The following MTUS1 variants were observed in gnomAD, a reference collection of about 807,000 sequenced individuals.
MTUS1 encodes the protein microtubule-associated tumor suppressor 1.
In MTUS1, 109 loss-of-function variants were observed where a neutral mutation model predicts 120.8. The observed-to-expected ratio is 0.90, with a 90% CI of 0.77 to 1.06. The LOEUF is 1.06. Ranked by LOEUF, MTUS1 falls within the 50% of genes least tolerant of loss-of-function variation. The pLI is 0.00. For missense variants in MTUS1, 2,210 were observed against 1,486.3 expected (o/e 1.49, Z -8.01); for synonymous variants, 737 against 550.5 (o/e 1.34, Z -4.74).
At chr8:17,648,942 G>A (rs1021770092) in intron 13 of MTUS1, among the ~76,000 whole-genome samples, 59 of 152,352 alleles carry the variant, frequency 3.9e-4, no homozygotes, top group African/African-American at 1.3e-3. Flanking sequence ...GGCAGCAGCT[G>A]TATTTCAGGG....
chr8:17,661,544 T>C (rs1341691255), intron 8 of MTUS1, among the ~76,000 whole-genome samples: 1 of 152,086 alleles, frequency 6.6e-6, no homozygotes, highest in Non-Finnish European at 1.5e-5. Context: ...TACTGTCGCT[T>C]TGAATATGTA....
At chr8:17,697,176 G>C (rs944100750) in intron 6 of MTUS1, 18 of 1,475,454 alleles carry the variant, frequency 1.2e-5, no homozygotes, top group Non-Finnish European at 1.5e-5. Context: ...CTGTCTCCTT[G>C]GAAAAACCTC....
At chr8:17,700,023 A>G (rs1818724349) in intron 6 of MTUS1, among the ~76,000 whole-genome samples, 1 of 152,220 alleles carries the variant, frequency 6.6e-6, no homozygotes, top group South Asian at 2.1e-4. Flanking sequence ...AACGAATGTG[A>G]GAAGTACCTA....
intron 2 of MTUS1, among the ~76,000 whole-genome samples, chr8:17,751,862 TAA>T (rs56362055): frequency 2.4e-3 from 234 of 96,522 alleles, no homozygotes; most frequent in African/African-American, 8.3e-3. Flanking sequence ...GACTCTGCCT[TAA>T]AAAAAAAAAA....
chr8:17,648,881 A>C (rs1806386089), intron 13 of MTUS1, among the ~76,000 whole-genome samples: 1 of 152,220 alleles, frequency 6.6e-6, no homozygotes, highest in Admixed American at 6.5e-5. Context: ...GAGGGCGGGG[A>C]TCACTTAAGC....
At chr8:17,774,420 A>G (rs1487524581) in intron 1 of MTUS1, among the ~76,000 whole-genome samples, 2 of 152,212 alleles carry the variant, frequency 1.3e-5, no homozygotes, top group Admixed American at 1.3e-4. Flanking sequence ...GAAGAAAATG[A>G]AAGTAAGTTT....
intron 3 of MTUS1, among the ~76,000 whole-genome samples, chr8:17,739,027 C>T (rs2131233372): frequency 6.6e-6 from 1 of 151,832 alleles, no homozygotes; most frequent in African/African-American, 2.4e-5. Context: ...TCTGTGATAC[C>T]AGGTACATGG....
At chr8:17,737,087 A>G (rs903111379) in intron 3 of MTUS1, among the ~76,000 whole-genome samples, 2 of 152,200 alleles carry the variant, frequency 1.3e-5, no homozygotes, top group East Asian at 3.9e-4. Context: ...AAGAATTCAC[A>G]TATGTCCATG....
At chr8:17,649,741 T>A in intron 13 of MTUS1, 105 bp downstream of exon 13, 1 of 683,248 alleles carries the variant, frequency 1.5e-6, no homozygotes, top group Non-Finnish European at 2.6e-6. Context: ...TTTCTAAATA[T>A]CTTTAGGAGC....
At chr8:17,774,625 C>T (rs1220645851) in intron 1 of MTUS1, among the ~76,000 whole-genome samples, 2 of 152,140 alleles carry the variant, frequency 1.3e-5, no homozygotes, top group Non-Finnish European at 2.9e-5. Flanking sequence ...TTGGAACCCC[C>T]TTGCGTTGCT....
chr8:17,765,745 ATTT>A (rs1249028050), intron 1 of MTUS1, among the ~76,000 whole-genome samples: 5 of 142,690 alleles, frequency 3.5e-5, no homozygotes, highest in Non-Finnish European at 7.6e-5. Context: ...TTTTGGTTTT[ATTT>A]TTATTTCTTG....
intron 1 of MTUS1, among the ~76,000 whole-genome samples, chr8:17,797,390 G>A (rs1474304530): frequency 6.6e-6 from 1 of 152,082 alleles, no homozygotes; most frequent in Admixed American, 6.6e-5. Context: ...TCCAGCCTGG[G>A]TGACACAGCA....
chr8:17,710,106 A>G (rs767721662), intron 6 of MTUS1, among the ~76,000 whole-genome samples: 4 of 152,214 alleles, frequency 2.6e-5, no homozygotes, highest in Admixed American at 1.3e-4. Context: ...CTGGTGGAAC[A>G]TCTTGCCTCA....
At chr8:17,702,999 C>T (rs538927385) in intron 6 of MTUS1, among the ~76,000 whole-genome samples, 18 of 152,246 alleles carry the variant, frequency 1.2e-4, no homozygotes, top group East Asian at 9.7e-4. Context: ...TGAGGATGTA[C>T]GTCACCTCAG....
intron 6 of MTUS1, among the ~76,000 whole-genome samples, chr8:17,702,478 G>A (rs1446047289): frequency 6.6e-6 from 1 of 152,098 alleles, no homozygotes; most frequent in Non-Finnish European, 1.5e-5. Context: ...TAGGCACAAT[G>A]CTGTAACAAA....
At chr8:17,740,337 G>C (rs748561442) in intron 3 of MTUS1, among the ~76,000 whole-genome samples, 5 of 152,212 alleles carry the variant, frequency 3.3e-5, no homozygotes, top group Non-Finnish European at 5.9e-5. Context: ...TTCTACTTAA[G>C]TGTTCTGAAA....
At chr8:17,671,998 A>C (rs762451938) in intron 8 of MTUS1, among the ~76,000 whole-genome samples, 7 of 152,176 alleles carry the variant, frequency 4.6e-5, no homozygotes, top group Non-Finnish European at 8.8e-5. Flanking sequence ...AACCATACTC[A>C]AAGAAGTTAG....
chr8:17,676,040 G>A lies in MTUS1; in HGVS notation c.2839-788C>T, dbSNP rs112500799. 2,962 of 565,428 alleles carry A rather than the reference G, an allele frequency of 5.2e-3. 68 individuals are homozygous for A. The highest frequency in any genetic ancestry group is 0.048 in the African/African-American group (2,548 of 53,292). The allele number at this position is 565,428 out of a possible 1,614,324, so 35.0% of individuals were successfully genotyped here. On this transcript the variant is annotated intron_variant, in intron 7 of 14. Transcript: ENST00000693296. Reference sequence around the variant, plus strand: ...TTAAAAGGTAGATTCCCTAGCACCAGGGAGTAACTAAAAAAAAAATGAAGA... The same window carrying A: ...TTAAAAGGTAGATTCCCTAGCACCAAGGAGTAACTAAAAAAAAAATGAAGA...
rs1399164560 is a variant in MTUS1, at chr8:17,754,295, G to C, written c.1513C>G (p.Pro505Ala). The C allele has an allele frequency of 2.5e-6, 4 of 1,613,954 alleles. No homozygotes were observed. The highest frequency in any genetic ancestry group is 2.2e-5 in the East Asian group (1 of 44,876). Residue 505 changes from proline (P) to alanine (A), a missense_variant, in exon 2 of 15, where the codon CCA becomes GCA. Physicochemically the swap from Pro to Ala is conservative, Grantham distance 27 (BLOSUM62 -1). Coordinates refer to ENST00000693296, the MANE Select transcript of MTUS1 (RefSeq NM_001363059.2). ...TTTGCTTTGACATTCTTGAAGTTTG[G>C]TCTTGGGTAACTTATAATTTCAGTT... ...RKTEIISYPR[P>A]NFKNVKAKVM...
Sources: allele counts gnomAD v4.1 joint callset (sites outside exome capture counted in the v4.1 genomes callset), GRCh38; gene constraint gnomAD v4.1.1; transcripts MANE v1.5; gene names NCBI Gene and HGNC (gene_info 2026-07-23, HGNC 2026-07-21).